Variants in MAP7D2 observed in about 807,000 individuals in gnomAD.
MAP7D2 encodes the protein MAP7 domain-containing protein 2.
A neutral mutation model predicts 63.5 loss-of-function variants in MAP7D2; 33 were observed. The ratio of observed to expected loss-of-function variants is 0.52; its 90% CI spans 0.39 to 0.70. MAP7D2 has a LOEUF of 0.70. Among genes scored for constraint, MAP7D2 ranks in the 30% least tolerant of loss-of-function variants. The probability of loss-of-function intolerance (pLI) is 0.00; values close to 1 mark genes in which losing one functional copy is unlikely to be tolerated. For synonymous variants in MAP7D2, 224 were observed against 223.7 expected (o/e 1.00, Z -0.01); for missense variants, 626 against 604.0 (o/e 1.04, Z -0.38).
At position 20,107,076 on chromosome X, in the gene MAP7D2, A is replaced by G. The variant is rs753861151; in HGVS notation, c.130+9674T>C. Among the ~76,000 whole-genome samples the G allele has an allele frequency of 8.0e-3, 886 of 111,360 alleles. 7 individuals carry two copies. Among genetic ancestry groups the G allele is most frequent in the African/African-American group, 0.026 (782 of 30,657 alleles). On this transcript the variant is annotated intron_variant, in intron 1 of 16. Transcript: ENST00000379643. ...GGGCGGTAGGCTCGGGGTAGCCCACAGCAGAGGGCGGTGGGGAAAATGATG... is the reference window on the plus strand; with the variant it reads ...GGGCGGTAGGCTCGGGGTAGCCCACGGCAGAGGGCGGTGGGGAAAATGATG...
At chrX:20,067,846 A>G (rs1003651386) in intron 1 of MAP7D2, among the ~76,000 whole-genome samples, 1 of 112,401 alleles carries the variant, frequency 8.9e-6, no homozygotes, top group Non-Finnish European at 1.9e-5. Context: ...AGTGTGACTC[A>G]TTAGAGCAGT....
chrX:20,039,443 T>C (rs887928866), intron 8 of MAP7D2, among the ~76,000 whole-genome samples: 2 of 112,365 alleles, frequency 1.8e-5, no homozygotes, highest in South Asian at 3.7e-4. Flanking sequence ...GTAGGAAGGA[T>C]AGGCGTAATT....
rs143760348 is a variant in MAP7D2, at chrX:20,042,529, T to C, written c.980A>G (p.Lys327Arg). The C allele has an allele frequency of 4.0e-4, 482 of 1,209,409 alleles. No homozygotes were observed. The highest frequency in any genetic ancestry group is 5.2e-4 in the Non-Finnish European group (466 of 894,769). ...RRCEFSGGIP[K>R]RPSSPVISKT... ...GGATATCACAGGAGAAGATGGTCTC[T>C]TAGGAATGCCTCCAGAAAACTCACA... is the stretch of plus-strand genomic sequence containing the variant. Residue 327 changes from lysine to arginine, a missense_variant, in exon 8 of 17, where the codon AAG (lysine) becomes AGG (arginine). Transcript: ENST00000379643.
At chrX:20,088,478 T>TG (rs2065977302) in intron 1 of MAP7D2, among the ~76,000 whole-genome samples, 2 of 28,569 alleles carry the variant, frequency 7.0e-5, no homozygotes, top group Non-Finnish European at 1.0e-4. Context: ...GTTTTTTTTT[T>TG]TTTTTTTTTT....
intron 14 of MAP7D2, 49 bp downstream of exon 14, chrX:20,013,005 A>C: frequency 9.4e-7 from 1 of 1,061,686 alleles, no homozygotes; most frequent in Non-Finnish European, 1.3e-6. Context: ...AAGTCTTACG[A>C]GCTTTTGCTA....
chrX:20,078,090 C>T (rs892601791), intron 1 of MAP7D2, among the ~76,000 whole-genome samples: 3 of 112,156 alleles, frequency 2.7e-5, no homozygotes, highest in Admixed American at 9.5e-5. Flanking sequence ...GGAACTCCTG[C>T]GCCAGTAACT....
chrX:20,039,307 G>A (rs1259272768), intron 8 of MAP7D2, among the ~76,000 whole-genome samples: 1 of 112,512 alleles, frequency 8.9e-6, no homozygotes, highest in Non-Finnish European at 1.9e-5. Flanking sequence ...GGTGGATGAA[G>A]AAACTATTGT....
chrX:20,084,430 TA>T (rs1306539815), intron 1 of MAP7D2, among the ~76,000 whole-genome samples: 1 of 111,345 alleles, frequency 9.0e-6, no homozygotes, highest in Non-Finnish European at 1.9e-5. Context: ...GTAGCAATAA[TA>T]AAATAATTCT....
chrX:20,030,535 G>C (rs766839598), intron 8 of MAP7D2, among the ~76,000 whole-genome samples: 2 of 111,731 alleles, frequency 1.8e-5, no homozygotes, highest in Non-Finnish European at 3.8e-5. Flanking sequence ...TAACTCTCTG[G>C]AGAGGGTTGT....
chrX:20,065,561 C>A (rs1403756344), intron 1 of MAP7D2, among the ~76,000 whole-genome samples: 6 of 111,224 alleles, frequency 5.4e-5, no homozygotes, highest in Non-Finnish European at 1.1e-4. Context: ...GCCACCATGC[C>A]CGGCCTACTT....
intron 8 of MAP7D2, among the ~76,000 whole-genome samples, chrX:20,033,833 G>T (rs1390677976): frequency 8.9e-6 from 1 of 112,306 alleles, no homozygotes; most frequent in Non-Finnish European, 1.9e-5. Flanking sequence ...TTTGTTTTGT[G>T]TGTGGCATCA....
At chrX:20,020,485 C>T (rs748287298) in intron 10 of MAP7D2, among the ~76,000 whole-genome samples, 2 of 111,820 alleles carry the variant, frequency 1.8e-5, no homozygotes, top group South Asian at 3.8e-4. Flanking sequence ...TCTCCTAAAT[C>T]CCAAGACCAA....
chrX:20,077,527 A>G (rs1407649762), intron 1 of MAP7D2, among the ~76,000 whole-genome samples: 1 of 112,415 alleles, frequency 8.9e-6, no homozygotes, highest in Non-Finnish European at 1.9e-5. Flanking sequence ...TCTTCTATAA[A>G]ATGGAGATAA....
intron 1 of MAP7D2, among the ~76,000 whole-genome samples, chrX:20,096,613 G>C (rs958513705): frequency 3.6e-5 from 4 of 110,032 alleles, no homozygotes; most frequent in Admixed American, 9.8e-5. Context: ...AAAGTAGACT[G>C]GGGGGAGGTG....
chrX:20,107,318 C>T (rs961512961), intron 1 of MAP7D2, among the ~76,000 whole-genome samples: 2 of 111,219 alleles, frequency 1.8e-5, no homozygotes, highest in South Asian at 7.5e-4. Context: ...AACCTGTAAT[C>T]CCAGCACTTT....
chrX:20,061,774 T>C (rs963451851), intron 3 of MAP7D2, among the ~76,000 whole-genome samples: 2 of 112,471 alleles, frequency 1.8e-5, no homozygotes, highest in East Asian at 5.6e-4. Context: ...TAAACAGAAA[T>C]TGCCTCAAAA....
At chrX:20,073,030 G>A (rs1223341789) in intron 1 of MAP7D2, among the ~76,000 whole-genome samples, 1 of 110,563 alleles carries the variant, frequency 9.0e-6, no homozygotes, top group Non-Finnish European at 1.9e-5. Flanking sequence ...TGCAATAAAA[G>A]AATTTGTAGT....
At chrX:20,017,413 C>T (rs1226889408) in intron 10 of MAP7D2, among the ~76,000 whole-genome samples, 1 of 112,337 alleles carries the variant, frequency 8.9e-6, no homozygotes, top group Non-Finnish European at 1.9e-5. Context: ...CAATGACTTA[C>T]TGGGATGCTG....
chrX:20,012,309 G>A (rs112412492), intron 15 of MAP7D2, 40 bp downstream of exon 15: 11 of 1,026,389 alleles, frequency 1.1e-5, no homozygotes, highest in East Asian at 9.7e-5. Flanking sequence ...GTAGTGTTTC[G>A]AGAAGTGATG....
Sources: allele counts gnomAD v4.1 joint callset (sites outside exome capture counted in the v4.1 genomes callset), GRCh38; gene constraint gnomAD v4.1.1; transcripts MANE v1.5; gene names NCBI Gene and HGNC (gene_info 2026-07-23, HGNC 2026-07-21).